The following PCDHAC2 variants were observed in gnomAD, a reference collection of about 807,000 sequenced individuals.
PCDHAC2 encodes protocadherin alpha subfamily C, 2, also known as protocadherin alpha-C2.
A neutral mutation model predicts 63.3 loss-of-function variants in PCDHAC2; 24 were observed. That is an observed-to-expected ratio of 0.38 (90% CI 0.27 to 0.53). PCDHAC2 has a LOEUF of 0.53. Among genes scored for constraint, PCDHAC2 ranks in the 20% least tolerant of loss-of-function variants. The pLI is 0.81. For missense variants in PCDHAC2, 1,181 were observed against 1,275.2 expected (o/e 0.93, Z 1.12); for synonymous variants, 569 against 529.4 (o/e 1.07, Z -1.03).
At chr5:141,008,410 A>G (rs782459591) in intron 3 of PCDHAC2, among the ~76,000 whole-genome samples, 33 of 152,184 alleles carry the variant, frequency 2.2e-4, no homozygotes, top group Non-Finnish European at 3.7e-4. Context: ...TTCCAATGTC[A>G]TGGCCACTGG....
Position 141,009,803 on chromosome 5 carries a change from C to G in PCDHAC2, c.2890C>G (p.Gln964Glu). 6.2e-7 allele frequency: 1 copy of G among 1,613,968 alleles called. No individual in the cohort carries two copies. The highest frequency in any genetic ancestry group is 8.5e-7 in the Non-Finnish European group (1 of 1,179,994). ...CATCCGGCAGGAGCCTACTAACAGC[C>G]AAATTGACAAAAGTGACTTCATAAC... ...ISIRQEPTNS[Q>E]IDKSDFITFG... Residue 964 changes from glutamine to glutamate, a missense_variant, in exon 4 of 4, where the codon CAA (glutamine) becomes GAA (glutamate). Physicochemically the swap from Gln to Glu is conservative, Grantham distance 29 (BLOSUM62 2). Coordinates refer to ENST00000289269, the MANE Select transcript of PCDHAC2 (RefSeq NM_018899.6).
At chr5:140,990,836 C>G (rs1358432111) in intron 3 of PCDHAC2, among the ~76,000 whole-genome samples, 1 of 152,120 alleles carries the variant, frequency 6.6e-6, no homozygotes, top group East Asian at 1.9e-4. Context: ...AGCCTATTAG[C>G]AAAAATAGAG....
Position 141,010,115 on chromosome 5 carries a change from C to A in PCDHAC2, c.*178C>A, listed in dbSNP as rs1037998611. 1.2e-6 allele frequency: 2 copies of A among 1,609,682 alleles called. No individual in the cohort carries two copies. The highest frequency in any genetic ancestry group is 2.2e-5 in the South Asian group (2 of 90,640). ...CATTTAACAGGTTTTGTCGTAAAAG[C>A]TTTACTAAGTCTGGTGTTAACTCTT... On this transcript the variant is annotated 3_prime_UTR_variant, in exon 4 of 4. Transcript: ENST00000289269.
intron 3 of PCDHAC2, among the ~76,000 whole-genome samples, chr5:141,000,421 ATTTTTTTT>A (rs34755515): frequency 1.4e-4 from 4 of 27,978 alleles, no homozygotes; most frequent in African/African-American, 7.1e-4. Flanking sequence ...ATATATATAT[ATTTTTTTT>A]TTTTTTTTTT....
intron 3 of PCDHAC2, among the ~76,000 whole-genome samples, chr5:140,995,158 A>G (rs1554254485): frequency 6.6e-6 from 1 of 152,180 alleles, no homozygotes; most frequent in African/African-American, 2.4e-5. Flanking sequence ...TATATACATT[A>G]TGTTCTTTCA....
At chr5:141,006,828 G>A (rs1554260937) in intron 3 of PCDHAC2, among the ~76,000 whole-genome samples, 1 of 152,162 alleles carries the variant, frequency 6.6e-6, no homozygotes, top group Non-Finnish European at 1.5e-5. Context: ...TAAATGGGGT[G>A]TAATTTACTG....
Position 140,966,634 on chromosome 5 carries a change from G to A in PCDHAC2, c.-133G>A. ...GCCTACGGAGGGAGCGGCCCCAGGC[G>A]CTTTCTAGAGCGTGAGCGGTGGGGG... On this transcript the variant is annotated 5_prime_UTR_variant, in exon 1 of 4. Transcript: ENST00000289269. 9.8e-7 allele frequency: 1 copy of A among 1,022,982 alleles called. No homozygotes were observed. The highest frequency in any genetic ancestry group is 1.3e-6 in the Non-Finnish European group (1 of 760,734). The allele number at this position is 1,022,982 out of a possible 1,614,324, so 63.4% of individuals were successfully genotyped here. A position where few individuals can be genotyped will look rare whatever the true frequency, so the allele number is the denominator to read the frequency against.
chr5:140,982,094 G>T (rs2096965818), intron 2 of PCDHAC2, among the ~76,000 whole-genome samples: 1 of 152,230 alleles, frequency 6.6e-6, no homozygotes, highest in Admixed American at 6.5e-5. Context: ...AGGAACAAGA[G>T]AACCTGCAAG....
rs1475862780 is a variant in PCDHAC2 at position 140,982,724 on chromosome 5, G to T, written c.2713+161G>T. On this transcript the variant is annotated intron_variant, in intron 3 of 3. Transcript: ENST00000289269. Reference sequence around the variant, plus strand: ...ATTTCCTTACATATATGATTATTTTGATTTTATACCTAATGCTCTTCAGGA... The same window carrying T: ...ATTTCCTTACATATATGATTATTTTTATTTTATACCTAATGCTCTTCAGGA... 5.5e-6 allele frequency: 5 copies of T among 906,286 alleles called. No homozygotes were observed. The African/African-American group carries it at 9.0e-5, about 16-fold the overall frequency. The allele number at this position is 906,286 out of a possible 1,614,324, so 56.1% of individuals were successfully genotyped here.
Position 140,966,946 on chromosome 5 carries a change from C to T in PCDHAC2, c.180C>T (p.Asn60=). 1 of 1,603,486 alleles carries T rather than the reference C, an allele frequency of 6.2e-7. No homozygotes were observed. Among genetic ancestry groups the T allele is most frequent in the Non-Finnish European group, 8.5e-7 (1 of 1,178,446 alleles). Residue 60 remains asparagine, a synonymous_variant, in exon 1 of 4, where the codon AAC becomes AAT. Coordinates refer to ENST00000289269, the MANE Select transcript of PCDHAC2 (RefSeq NM_018899.6). ...AGGCACCCGGCGCGCTCGTGGGCAA[C>T]GTGGCTCGCGCGCTGGGGCTTGAGC... is the stretch of plus-strand genomic sequence containing the variant. ...EEQAPGALVG[N]VARALGLELR...
rs1554262965 is a variant in PCDHAC2 at position 141,010,497 on chromosome 5, T to A, written c.*560T>A. Reference sequence around the variant, plus strand: ...AAGTGTAAACTTAAAGGGACCAGACTTTCTAAATCTTACAACTCAAGAGGT... The same window carrying A: ...AAGTGTAAACTTAAAGGGACCAGACATTCTAAATCTTACAACTCAAGAGGT... On this transcript the variant is annotated 3_prime_UTR_variant, in exon 4 of 4. Coordinates refer to ENST00000289269, the MANE Select transcript of PCDHAC2 (RefSeq NM_018899.6). The A allele has an allele frequency of 1.7e-6, 1 of 584,358 alleles. No homozygotes were observed. Among genetic ancestry groups the A allele is most frequent in the African/African-American group, 1.9e-5 (1 of 53,100 alleles). 36.2% of individuals were successfully genotyped at this position (584,358 alleles called of 1,614,324 possible).
Position 140,966,569 on chromosome 5 carries a change from G to A in PCDHAC2, c.-198G>A. The A allele has an allele frequency of 2.0e-6, 1 of 500,346 alleles. No individual in the cohort carries two copies. The highest frequency in any genetic ancestry group is 3.3e-6 in the Non-Finnish European group (1 of 300,114). The allele number at this position is 500,346 out of a possible 1,614,324, so 31.0% of individuals were successfully genotyped here. A position where few individuals can be genotyped will look rare whatever the true frequency, so the allele number is the denominator to read the frequency against. On this transcript the variant is annotated 5_prime_UTR_variant, in exon 1 of 4. Transcript: ENST00000289269. The stretch of plus-strand genomic sequence containing the variant: ...GGCGAGCGGAGGAGCTGGAATATGG[G>A]GAGTCAGCGAGGACGGTGGGGCCAG...
At position 140,969,047 on chromosome 5, in the gene PCDHAC2, A is replaced by C; in HGVS notation, c.2281A>C (p.Asn761His). 6.2e-7 allele frequency: 1 copy of C among 1,614,152 alleles called. No individual in the cohort carries two copies. Among genetic ancestry groups the C allele is most frequent in the Non-Finnish European group, 8.5e-7 (1 of 1,179,986 alleles). Residue 761 changes from asparagine to histidine, a missense_variant, in exon 1 of 4, where the codon AAC (asparagine) becomes CAC (histidine). Physicochemically the swap from Asn to His is moderately conservative, Grantham distance 68 (BLOSUM62 1). Transcript: ENST00000289269. Reference protein sequence around the residue: ...RSPAELYKQANNNIDARIPHG... With the variant: ...RSPAELYKQAHNNIDARIPHG... ...CCCTGCAGAACTGTACAAACAAGCC[A>C]ACAACAATATTGATGCCAGGATACC...
intron 3 of PCDHAC2, among the ~76,000 whole-genome samples, chr5:140,999,088 G>A (rs1429141341): frequency 1.3e-5 from 2 of 152,274 alleles, no homozygotes; most frequent in African/African-American, 4.8e-5. Flanking sequence ...TCCTTCAGAG[G>A]GCTATGGAGA....
At chr5:140,988,007 A>G (rs2097277966) in intron 3 of PCDHAC2, among the ~76,000 whole-genome samples, 1 of 152,230 alleles carries the variant, frequency 6.6e-6, no homozygotes, top group Non-Finnish European at 1.5e-5. Context: ...TTCCCCAGAA[A>G]GAAAGCATGA....
rs2098423512 is a variant in PCDHAC2 at position 141,012,298 on chromosome 5, T to A, written c.*2361T>A. On this transcript the variant is annotated 3_prime_UTR_variant, in exon 4 of 4. Transcript: ENST00000289269. ...ATGTGGATTCATTTTGAATTGGTGC[T>A]ATTGGTATTTCCTCTGTTATTGCTA... is the stretch of plus-strand genomic sequence containing the variant. The A allele has an allele frequency of 6.5e-6, 1 of 153,804 alleles. No individual in the cohort carries two copies. Among genetic ancestry groups the A allele is most frequent in the Non-Finnish European group, 1.5e-5 (1 of 68,048 alleles). 9.5% of individuals were successfully genotyped at this position (153,804 alleles called of 1,614,324 possible). A position where few individuals can be genotyped will look rare whatever the true frequency, so the allele number is the denominator to read the frequency against.
chr5:140,995,401 G>A (rs576317630), intron 3 of PCDHAC2, among the ~76,000 whole-genome samples: 7 of 152,238 alleles, frequency 4.6e-5, no homozygotes, highest in African/African-American at 1.4e-4. Context: ...GGGATGGCTC[G>A]AGATTTCATC....
At chr5:140,976,424 G>A (rs2096715736) in intron 1 of PCDHAC2, among the ~76,000 whole-genome samples, 1 of 152,114 alleles carries the variant, frequency 6.6e-6, no homozygotes, top group Non-Finnish European at 1.5e-5. Flanking sequence ...GGTGGCAGAT[G>A]CCTGTAATCC....
intron 1 of PCDHAC2, among the ~76,000 whole-genome samples, chr5:140,978,243 C>T (rs2096793691): frequency 6.6e-6 from 1 of 152,170 alleles, no homozygotes; most frequent in South Asian, 2.1e-4. Context: ...ATTTCAGCTA[C>T]TCCCTGTTAA....
Sources: allele counts gnomAD v4.1 joint callset (sites outside exome capture counted in the v4.1 genomes callset), GRCh38; gene constraint gnomAD v4.1.1; transcripts MANE v1.5; gene names NCBI Gene and HGNC (gene_info 2026-07-23, HGNC 2026-07-21).